The following BCKDHB variants were observed in gnomAD, a reference collection of about 807,000 sequenced individuals.
The protein encoded by BCKDHB is 2-oxoisovalerate dehydrogenase subunit beta, mitochondrial.
A neutral mutation model predicts 48.5 loss-of-function variants in BCKDHB; 41 were observed. That is an observed-to-expected ratio of 0.85 (90% CI 0.66 to 1.10). The LOEUF (loss-of-function observed/expected upper bound fraction) is 1.10. Ranked by LOEUF, BCKDHB falls within the 50% of genes least tolerant of loss-of-function variation. BCKDHB has a pLI of 0.00. For missense variants in BCKDHB, 496 were observed against 494.2 expected, an observed-to-expected ratio of 1.00 and a Z score of -0.03; for synonymous variants, 201 against 174.8, an observed-to-expected ratio of 1.15 and a Z score of -1.18.
intron 3 of BCKDHB, among the ~76,000 whole-genome samples, chr6:80,154,054 G>A (rs1403335866): frequency 2.6e-5 from 4 of 151,972 alleles, no homozygotes; most frequent in African/African-American, 7.3e-5. Flanking sequence ...TGTGCCTGTC[G>A]AAATTCTGCC....
At chr6:80,243,604 T>C (rs893696981) in intron 8 of BCKDHB, among the ~76,000 whole-genome samples, 5 of 152,126 alleles carry the variant, frequency 3.3e-5, no homozygotes, top group Admixed American at 2.0e-4. Context: ...GTGATCTCAG[T>C]GCACTGAAGC....
intron 8 of BCKDHB, among the ~76,000 whole-genome samples, chr6:80,271,995 C>G (rs1777765637): frequency 6.6e-6 from 1 of 151,994 alleles, no homozygotes. Flanking sequence ...GTGACTCTTA[C>G]AAATGGCATA....
intron 1 of BCKDHB, among the ~76,000 whole-genome samples, chr6:80,107,514 C>G (rs1337106215): frequency 4.1e-5 from 1 of 24,666 alleles, no homozygotes. Context: ...TATATGTGCG[C>G]ATATATATAT....
the BCKDHB span, among the ~76,000 whole-genome samples, chr6:80,397,141 T>C: frequency 1.3e-5 from 2 of 152,124 alleles, no homozygotes; most frequent in Admixed American, 6.6e-5. Flanking sequence ...CAGATAGGGG[T>C]GGGTATTTGC....
At chr6:80,115,519 A>G (rs1263360942) in intron 1 of BCKDHB, among the ~76,000 whole-genome samples, 1 of 152,094 alleles carries the variant, frequency 6.6e-6, no homozygotes, top group African/African-American at 2.4e-5. Context: ...GTTTCTTAGT[A>G]TCCTGTTATT....
intron 9 of BCKDHB, among the ~76,000 whole-genome samples, chr6:80,304,828 T>G (rs1331061045): frequency 6.6e-6 from 1 of 152,216 alleles, no homozygotes; most frequent in East Asian, 1.9e-4. Context: ...ACCATTTCAG[T>G]GCATGCAGAA....
chr6:80,317,576 T>C (rs75214832), intron 9 of BCKDHB, among the ~76,000 whole-genome samples: 6,973 of 152,252 alleles, frequency 0.046, 525 homozygotes, highest in African/African-American at 0.16. Context: ...TGTGATTAGG[T>C]TGGGCCCATC....
At chr6:80,396,222 G>T in the BCKDHB span, among the ~76,000 whole-genome samples, 2 of 152,216 alleles carry the variant, frequency 1.3e-5, no homozygotes, top group African/African-American at 4.8e-5. Flanking sequence ...GCCTGGAAAA[G>T]CCACAGACAC....
chr6:80,235,568 G>A (rs550687904), intron 8 of BCKDHB, among the ~76,000 whole-genome samples: 5 of 152,086 alleles, frequency 3.3e-5, no homozygotes, highest in African/African-American at 1.2e-4. Flanking sequence ...AAAAATCTAG[G>A]TTAATCTGAT....
At chr6:80,431,630 T>G in the BCKDHB span, among the ~76,000 whole-genome samples, 1 of 152,124 alleles carries the variant, frequency 6.6e-6, no homozygotes, top group Non-Finnish European at 1.5e-5. Context: ...TCATCAGAGA[T>G]TAGGATTGCA....
chr6:80,347,631 TTAACTC>T (rs1468850770), downstream of BCKDHB, among the ~76,000 whole-genome samples: 4 of 152,200 alleles, frequency 2.6e-5, no homozygotes, highest in Admixed American at 1.3e-4. Flanking sequence ...TTTACTGTCT[TTAACTC>T]TATTTTTGAA....
chr6:80,302,958 G>A (rs938011926), intron 9 of BCKDHB, among the ~76,000 whole-genome samples: 5 of 152,102 alleles, frequency 3.3e-5, no homozygotes, highest in African/African-American at 1.2e-4. Flanking sequence ...ATTCACAAAT[G>A]TTAGTGTTAG....
At chr6:80,262,342 A>T (rs1197298342) in intron 8 of BCKDHB, among the ~76,000 whole-genome samples, 2 of 151,970 alleles carry the variant, frequency 1.3e-5, no homozygotes, top group Non-Finnish European at 2.9e-5. Flanking sequence ...ATTTTTCTGA[A>T]TTTTTTTGAC....
chr6:80,351,295 T>A, the BCKDHB span, among the ~76,000 whole-genome samples: 1 of 152,162 alleles, frequency 6.6e-6, no homozygotes. Context: ...AGGACAATAT[T>A]GTGCTTTAAG....
chr6:80,202,307 C>T (rs1774434990), intron 7 of BCKDHB, among the ~76,000 whole-genome samples: 1 of 152,150 alleles, frequency 6.6e-6, no homozygotes, highest in Non-Finnish European at 1.5e-5. Flanking sequence ...TAGTCCATCT[C>T]TCTCCTGCAT....
the BCKDHB span, among the ~76,000 whole-genome samples, chr6:80,441,448 T>C: frequency 6.6e-6 from 1 of 152,198 alleles, no homozygotes; most frequent in Non-Finnish European, 1.5e-5. Flanking sequence ...CTGCCACTTA[T>C]AAAGGTCTTC....
At chr6:80,249,569 T>G (rs761151419) in intron 8 of BCKDHB, among the ~76,000 whole-genome samples, 1 of 152,214 alleles carries the variant, frequency 6.6e-6, no homozygotes, top group African/African-American at 2.4e-5. Flanking sequence ...AGCCTGTAGT[T>G]ATGACTCAGT....
chr6:80,181,958 T>C (rs1391332342), intron 6 of BCKDHB, among the ~76,000 whole-genome samples: 1 of 152,232 alleles, frequency 6.6e-6, no homozygotes, highest in African/African-American at 2.4e-5. Context: ...CTAACTACTG[T>C]TGACTTTTTG....
At chr6:80,274,700 A>G (rs917115226) in intron 9 of BCKDHB, among the ~76,000 whole-genome samples, 7 of 152,094 alleles carry the variant, frequency 4.6e-5, no homozygotes, top group Non-Finnish European at 7.4e-5. Flanking sequence ...ATTAGATACT[A>G]TAACTCCTCT....
Sources: allele counts gnomAD v4.1 joint callset (sites outside exome capture counted in the v4.1 genomes callset), GRCh38; gene constraint gnomAD v4.1.1; transcripts MANE v1.5; gene names NCBI Gene and HGNC (gene_info 2026-07-23, HGNC 2026-07-21).